CCDC14: variants seen among roughly 807,000 people sequenced by gnomAD.
CCDC14 encodes coiled-coil domain-containing protein 14.
A neutral mutation model predicts 81.4 loss-of-function variants in CCDC14; 71 were observed. The observed-to-expected ratio is 0.87, with a 90% CI of 0.72 to 1.06. CCDC14 has a LOEUF of 1.06. Among genes scored for constraint, CCDC14 ranks in the 50% least tolerant of loss-of-function variants. CCDC14 has a pLI of 0.00. For missense variants in CCDC14, 1,046 were observed against 1,047.3 expected (o/e 1.00, Z 0.02); for synonymous variants, 332 against 364.8 (o/e 0.91, Z 1.03).
rs2034527965 is a variant in CCDC14, at chr3:123,914,160, T to TA, written c.*618dup. ...AAGGCCTTAAAACATGAATTTGGGA[T>TA]AAAAACAAATAAAAGTGCCCAAGTT... On this transcript the variant is annotated 3_prime_UTR_variant, in exon 13 of 13. Coordinates refer to ENST00000409697, the MANE Select transcript of CCDC14 (RefSeq NM_001366335.1). 3 of 985,146 alleles carry TA rather than the reference T, an allele frequency of 3.0e-6. No individual in the cohort carries two copies. Among genetic ancestry groups the TA allele is most frequent in the Admixed American group, 6.2e-5 (1 of 16,256 alleles). The allele number at this position is 985,146 out of a possible 1,614,324, so 61.0% of individuals were successfully genotyped here. A position where few individuals can be genotyped will look rare whatever the true frequency, so the allele number is the denominator to read the frequency against.
chr3:123,907,755 T>C (rs763451880), intron 5 of CCDC14, among the ~76,000 whole-genome samples: 9 of 151,840 alleles, frequency 5.9e-5, no homozygotes, highest in Non-Finnish European at 8.8e-5. Flanking sequence ...GGGTAAACCA[T>C]TCTTCTTCGA....
rs997787764 is a variant in CCDC14 at position 123,945,136 on chromosome 3, G to A, written c.1202-146C>T. On this transcript the variant is annotated intron_variant, in intron 8 of 12. Coordinates refer to ENST00000409697, the MANE Select transcript of CCDC14 (RefSeq NM_001366335.1). ...AATTATTTATAAATTTATTATACAG[G>A]TTCCATTTTTCTCTTTCATGCTGCT... 4 of 466,056 alleles carry A rather than the reference G, an allele frequency of 8.6e-6. No individual in the cohort carries two copies. The South Asian group carries it at 2.4e-4, about 28-fold the overall frequency. 28.9% of individuals were successfully genotyped at this position (466,056 alleles called of 1,614,324 possible). A position where few individuals can be genotyped will look rare whatever the true frequency, so the allele number is the denominator to read the frequency against.
chr3:123,896,028 C>T (rs774604413), downstream of CCDC14, among the ~76,000 whole-genome samples: 5 of 152,166 alleles, frequency 3.3e-5, no homozygotes, highest in Non-Finnish European at 7.3e-5. Flanking sequence ...AAGTGTACAA[C>T]AGCAAATAAA....
intron 9 of CCDC14, among the ~76,000 whole-genome samples, chr3:123,940,407 G>T (rs2148894770): frequency 6.6e-6 from 1 of 151,886 alleles, no homozygotes; most frequent in Admixed American, 6.6e-5. Context: ...ATTTCCTTGA[G>T]ACTATGGAAT....
chr3:123,955,969 T>C lies in CCDC14; in HGVS notation c.230-4A>G, dbSNP rs2037302366. 3.9e-6 allele frequency: 6 copies of C among 1,527,916 alleles called. No homozygotes were observed. The highest frequency in any genetic ancestry group is 1.3e-5 in the South Asian group (1 of 79,066). 94.6% of individuals were successfully genotyped at this position (1,527,916 alleles called of 1,614,324 possible). A position where few individuals can be genotyped will look rare whatever the true frequency, so the allele number is the denominator to read the frequency against. ...TCTAAATATGCTGTTTCTGAACCTA[T>C]TAATAAAACAAAAATTTGTTACATC... On this transcript the variant is annotated splice_region_variant and splice_polypyrimidine_tract_variant and intron_variant, in intron 4 of 12. Transcript: ENST00000409697.
chr3:123,929,991 T>C (rs749913984), intron 12 of CCDC14, among the ~76,000 whole-genome samples: 15 of 152,210 alleles, frequency 9.9e-5, no homozygotes, highest in Non-Finnish European at 2.1e-4. Flanking sequence ...AGAAGGGACA[T>C]TCTATTACTT....
intron 7 of CCDC14, 33 bp downstream of exon 7, chr3:123,948,658 T>C: frequency 6.7e-7 from 1 of 1,484,976 alleles, no homozygotes; most frequent in East Asian, 2.3e-5. Context: ...TATAAGCAAA[T>C]AGTTACTTAT....
downstream of CCDC14, among the ~76,000 whole-genome samples, chr3:123,908,626 A>C (rs948665073): frequency 6.6e-6 from 1 of 152,178 alleles, no homozygotes; most frequent in Non-Finnish European, 1.5e-5. Flanking sequence ...CTATAATTTA[A>C]ATTCTCATAC....
intron 5 of CCDC14, among the ~76,000 whole-genome samples, chr3:123,904,209 C>T (rs1006915311): frequency 3.9e-5 from 6 of 151,954 alleles, no homozygotes; most frequent in African/African-American, 1.5e-4. Flanking sequence ...TAAGGTACTT[C>T]TAAGTCAGAA....
intron 9 of CCDC14, among the ~76,000 whole-genome samples, chr3:123,937,093 C>G (rs1281585564): frequency 6.6e-6 from 1 of 152,032 alleles, no homozygotes; most frequent in Non-Finnish European, 1.5e-5. Flanking sequence ...ATGGATATAG[C>G]ACTATTTGTT....
intron 1 of CCDC14, among the ~76,000 whole-genome samples, chr3:123,960,375 C>CTACT (rs1476732460): frequency 6.6e-6 from 1 of 152,168 alleles, no homozygotes; most frequent in Non-Finnish European, 1.5e-5. Context: ...AGTCATACAT[C>CTACT]TACTAGGTAA....
At chr3:123,951,943 C>T (rs1005818318) in intron 5 of CCDC14, among the ~76,000 whole-genome samples, 1 of 152,118 alleles carries the variant, frequency 6.6e-6, no homozygotes, top group East Asian at 1.9e-4. Flanking sequence ...AGCAAACAAT[C>T]CAAGACAAGT....
At chr3:123,958,837 T>C (rs143477204) in intron 1 of CCDC14, 141 of 152,252 alleles carry the variant, frequency 9.3e-4, no homozygotes, top group African/African-American at 3.1e-3. Flanking sequence ...CATGCTCACA[T>C]TCTGTTTCTA....
intron 9 of CCDC14, among the ~76,000 whole-genome samples, chr3:123,937,923 T>TC (rs150952586): frequency 0.014 from 2,071 of 151,980 alleles, 57 homozygotes; most frequent in African/African-American, 0.047. Flanking sequence ...GAGTATTCTT[T>TC]CCCCACTGAA....
At chr3:123,939,969 C>T (rs899543009) in intron 9 of CCDC14, among the ~76,000 whole-genome samples, 1 of 151,354 alleles carries the variant, frequency 6.6e-6, no homozygotes, top group Non-Finnish European at 1.5e-5. Flanking sequence ...TTATTTATTG[C>T]CACTGAAATG....
rs1365190781 is a variant in CCDC14, at chr3:123,961,179, G to A, written c.-6C>T. 1.7e-5 allele frequency: 27 copies of A among 1,551,492 alleles called. No individual in the cohort carries two copies. The highest frequency in any genetic ancestry group is 2.3e-5 in the Non-Finnish European group (26 of 1,146,980). ...CGAGCTCCAGACCTGACCATCTCTC[G>A]CCGCCTCAGAGAAGCCCAGACCGAG... On this transcript the variant is annotated 5_prime_UTR_variant, in exon 1 of 13. Transcript: ENST00000409697.
intron 1 of CCDC14, chr3:123,958,145 A>G (rs962679771): frequency 6.6e-6 from 1 of 152,126 alleles, no homozygotes; most frequent in African/African-American, 2.4e-5. Flanking sequence ...ACCTTGTATA[A>G]CATCACACCA....
At chr3:123,948,827 T>C in intron 6 of CCDC14, 42 bp from the exon 7 acceptor site, 1 of 1,580,164 alleles carries the variant, frequency 6.3e-7, no homozygotes, top group Non-Finnish European at 8.6e-7. Flanking sequence ...ATATCCTACT[T>C]TTTATACAGT....
chr3:123,953,824 C>G (rs2037175969), intron 5 of CCDC14: 1 of 152,222 alleles, frequency 6.6e-6, no homozygotes. Flanking sequence ...ACCTCTCTCT[C>G]TCCTAATCCC....
Sources: allele counts gnomAD v4.1 joint callset (sites outside exome capture counted in the v4.1 genomes callset), GRCh38; gene constraint gnomAD v4.1.1; transcripts MANE v1.5; gene names NCBI Gene and HGNC (gene_info 2026-07-23, HGNC 2026-07-21).